Variants in SPIDR observed in about 807,000 individuals in gnomAD.
SPIDR encodes the protein DNA repair-scaffolding protein.
In SPIDR, 93 loss-of-function variants were observed where a neutral mutation model predicts 104.6. The ratio of observed to expected loss-of-function variants is 0.89; its 90% CI spans 0.75 to 1.06. SPIDR has a LOEUF of 1.06. SPIDR is among the 50% of genes least tolerant of loss of function. The probability of loss-of-function intolerance (pLI) is 0.00; values close to 1 mark genes in which losing one functional copy is unlikely to be tolerated. For missense variants in SPIDR, 1,154 were observed against 1,111.2 expected (o/e 1.04, Z -0.55); for synonymous variants, 431 against 416.9 (o/e 1.03, Z -0.41).
chr8:47,609,007 G>A (rs566032428), intron 10 of SPIDR, among the ~76,000 whole-genome samples: 39 of 152,362 alleles, frequency 2.6e-4, no homozygotes, highest in East Asian at 7.7e-4. Flanking sequence ...GATTACAGGC[G>A]TGAGCCACCG....
intron 5 of SPIDR, among the ~76,000 whole-genome samples, chr8:47,387,295 G>T (rs554581139): frequency 6.6e-6 from 1 of 152,130 alleles, no homozygotes; most frequent in Admixed American, 6.6e-5. Flanking sequence ...CAGGGCAGGT[G>T]GGGGGCATTG....
intron 8 of SPIDR, among the ~76,000 whole-genome samples, chr8:47,538,388 C>T (rs548448226): frequency 1.3e-5 from 2 of 151,648 alleles, no homozygotes; most frequent in South Asian, 4.2e-4. Context: ...TACTAAAATA[C>T]AAAAATTAGC....
chr8:47,508,289 G>T (rs2081790083), intron 8 of SPIDR, among the ~76,000 whole-genome samples: 2 of 152,068 alleles, frequency 1.3e-5, no homozygotes, highest in South Asian at 4.2e-4. Flanking sequence ...CCTGCTATTG[G>T]GATAGGAAAA....
chr8:47,441,451 T>C (rs2069412084), intron 8 of SPIDR, among the ~76,000 whole-genome samples: 1 of 152,220 alleles, frequency 6.6e-6, no homozygotes, highest in African/African-American at 2.4e-5. Context: ...TGATAGCTTT[T>C]GACCTTTCTT....
intron 6 of SPIDR, among the ~76,000 whole-genome samples, chr8:47,407,232 C>T (rs1235614970): frequency 6.6e-6 from 1 of 152,168 alleles, no homozygotes; most frequent in Admixed American, 6.6e-5. Context: ...TTCTGCTATA[C>T]ATGGAAGTTT....
chr8:47,330,822 G>C (rs73582864), intron 5 of SPIDR: 7,900 of 456,076 alleles, frequency 0.017, 277 homozygotes, highest in African/African-American at 0.1. Context: ...CATACATTTG[G>C]AAGTTTCCGT....
intron 8 of SPIDR, among the ~76,000 whole-genome samples, chr8:47,479,264 CAGG>C (rs1554725509): frequency 6.6e-6 from 1 of 150,824 alleles, no homozygotes; most frequent in African/African-American, 2.4e-5. Context: ...GAGGCTGAAG[CAGG>C]AGAATTGCTT....
rs750417878 is a variant in SPIDR, at chr8:47,457,534, C to T, written c.1097+16992C>T. ...TATATAGATTGTGAAGATTTTCTCC[C>T]GCTCTGTGAGTTGTCTGTTACTTTG... On this transcript the variant is annotated intron_variant, in intron 8 of 19. Coordinates refer to ENST00000297423, the MANE Select transcript of SPIDR (RefSeq NM_001080394.4). Among the ~76,000 whole-genome samples, 10 of 152,084 alleles carry T rather than the reference C, an allele frequency of 6.6e-5. No individual in the cohort carries two copies. The East Asian group carries it at 7.7e-4, about 12-fold the overall frequency.
chr8:47,449,984 G>A (rs151227543), intron 8 of SPIDR, among the ~76,000 whole-genome samples: 1,669 of 152,118 alleles, frequency 0.011, 12 homozygotes, highest in Non-Finnish European at 0.019. Context: ...AGCAGCCTGG[G>A]CAAACCCCAT....
At chr8:47,643,879 T>C (rs889966937) in intron 10 of SPIDR, among the ~76,000 whole-genome samples, 1 of 152,216 alleles carries the variant, frequency 6.6e-6, no homozygotes, top group Non-Finnish European at 1.5e-5. Context: ...AGAATATTAC[T>C]AGAGATTGGG....
chr8:47,490,582 A>T (rs2078522070), intron 8 of SPIDR, among the ~76,000 whole-genome samples: 1 of 152,244 alleles, frequency 6.6e-6, no homozygotes, highest in Non-Finnish European at 1.5e-5. Context: ...AGTAGCAAAG[A>T]CTTGGAACCA....
chr8:47,422,455 G>T (rs1554681606), intron 7 of SPIDR, among the ~76,000 whole-genome samples: 2 of 152,222 alleles, frequency 1.3e-5, no homozygotes, highest in African/African-American at 4.8e-5. Context: ...AAGACCATTG[G>T]AAAAGCGCAG....
chr8:47,463,479 C>T (rs1390367909), intron 8 of SPIDR, among the ~76,000 whole-genome samples: 1 of 152,058 alleles, frequency 6.6e-6, no homozygotes, highest in Non-Finnish European at 1.5e-5. Flanking sequence ...TTCTCAAATT[C>T]CTCCCAAAAA....
chr8:47,582,581 A>T (rs1025484158), intron 8 of SPIDR, among the ~76,000 whole-genome samples: 1 of 152,166 alleles, frequency 6.6e-6, no homozygotes, highest in Non-Finnish European at 1.5e-5. Flanking sequence ...TAACATTCTC[A>T]GGTGAGAAGT....
intron 8 of SPIDR, among the ~76,000 whole-genome samples, chr8:47,462,750 C>A (rs1157836162): frequency 6.6e-6 from 1 of 152,070 alleles, no homozygotes; most frequent in Non-Finnish European, 1.5e-5. Flanking sequence ...AGAGTACAAA[C>A]ATTAGAGAAA....
intron 5 of SPIDR, among the ~76,000 whole-genome samples, chr8:47,303,286 C>T (rs997980150): frequency 2.0e-4 from 31 of 152,182 alleles, no homozygotes; most frequent in East Asian, 1.2e-3. Context: ...TTGCTAAGAC[C>T]GTTAGAAAAG....
chr8:47,551,926 C>G (rs528044489), intron 8 of SPIDR, among the ~76,000 whole-genome samples: 2 of 152,330 alleles, frequency 1.3e-5, no homozygotes, highest in South Asian at 2.1e-4. Flanking sequence ...AAGTTTCCCT[C>G]TACACACTGC....
At chr8:47,584,402 G>A (rs1392113054) in intron 8 of SPIDR, among the ~76,000 whole-genome samples, 1 of 152,166 alleles carries the variant, frequency 6.6e-6, no homozygotes, top group Non-Finnish European at 1.5e-5. Context: ...CAGGTAATAT[G>A]CTAATCAAAA....
intron 19 of SPIDR, among the ~76,000 whole-genome samples, chr8:47,730,706 C>G (rs1563691589): frequency 6.6e-6 from 1 of 152,152 alleles, no homozygotes. Context: ...CTCAGCCTCC[C>G]AAGTATCCAA....
Sources: allele counts gnomAD v4.1 joint callset (sites outside exome capture counted in the v4.1 genomes callset), GRCh38; gene constraint gnomAD v4.1.1; transcripts MANE v1.5; gene names NCBI Gene and HGNC (gene_info 2026-07-23, HGNC 2026-07-21).